The following NSD1 variants were observed in gnomAD, a reference collection of about 807,000 sequenced individuals.
NSD1 encodes the protein nuclear receptor binding SET domain protein 1.
A neutral mutation model predicts 242.7 loss-of-function variants in NSD1; 26 were observed. The ratio of observed to expected loss-of-function variants is 0.11; its 90% CI spans 0.08 to 0.15. The LOEUF is 0.15. Among genes scored for constraint, NSD1 ranks in the 10% least tolerant of loss-of-function variants. The probability of loss-of-function intolerance (pLI) is 1.00; values close to 1 mark genes in which losing one functional copy is unlikely to be tolerated. For synonymous variants in NSD1, 1,106 were observed against 1,178.1 expected, an observed-to-expected ratio of 0.94 and a Z score of 1.25; for missense variants, 2,495 against 3,272.8, an observed-to-expected ratio of 0.76 and a Z score of 5.80.
intron 5 of NSD1, among the ~76,000 whole-genome samples, chr5:177,226,324 C>T (rs951058698): frequency 3.9e-5 from 6 of 152,098 alleles, no homozygotes; most frequent in Non-Finnish European, 5.9e-5. Context: ...CGTGAGCCAC[C>T]GGGCCCGGCC....
intron 14 of NSD1, among the ~76,000 whole-genome samples, chr5:177,267,290 ACTC>A (rs1024317604): frequency 6.6e-6 from 1 of 152,020 alleles, no homozygotes; most frequent in Non-Finnish European, 1.5e-5. Context: ...ATTAGAGAAA[ACTC>A]CTTACCGCTG....
rs1028992659 is a variant in NSD1 at position 177,265,178 on chromosome 5, T to C, written c.5147-2384T>C. 10 of 770,638 alleles carry C rather than the reference T, an allele frequency of 1.3e-5. No homozygotes were observed. In the African/African-American group the frequency reaches 1.4e-4, roughly 10 times the overall value. 47.7% of individuals were successfully genotyped at this position (770,638 alleles called of 1,614,324 possible). A position where few individuals can be genotyped will look rare whatever the true frequency, so the allele number is the denominator to read the frequency against. On this transcript the variant is annotated intron_variant, in intron 14 of 22. Coordinates refer to ENST00000439151, the MANE Select transcript of NSD1 (RefSeq NM_022455.5). Reference sequence around the variant, plus strand: ...TTGCTCCACTCAGAGAAGCATACTTTGTGAGAACCAATGGGAAGGAGTCTG... The same window carrying C: ...TTGCTCCACTCAGAGAAGCATACTTCGTGAGAACCAATGGGAAGGAGTCTG...
At chr5:177,163,174 G>A (rs987512112) in intron 2 of NSD1, among the ~76,000 whole-genome samples, 1 of 139,890 alleles carries the variant, frequency 7.1e-6, no homozygotes, top group African/African-American at 2.7e-5. Flanking sequence ...ACGGAGTCTC[G>A]TTCTGTTGCC....
chr5:177,165,963 G>A (rs1325891739), intron 2 of NSD1, among the ~76,000 whole-genome samples: 1 of 146,620 alleles, frequency 6.8e-6, no homozygotes, highest in Non-Finnish European at 1.5e-5. Context: ...AGGCTGGAGT[G>A]CGGTGGCGCA....
intron 2 of NSD1, chr5:177,169,733 C>G (rs1432823595): frequency 6.6e-6 from 1 of 152,068 alleles, no homozygotes; most frequent in Non-Finnish European, 1.5e-5. Flanking sequence ...AAGTCTTTAG[C>G]AAAAATAACA....
intron 2 of NSD1, among the ~76,000 whole-genome samples, chr5:177,154,932 G>A (rs1052117422): frequency 1.3e-5 from 2 of 151,914 alleles, no homozygotes; most frequent in Admixed American, 1.3e-4. Flanking sequence ...CTGACCTCAG[G>A]TTATCCACCT....
intron 2 of NSD1, among the ~76,000 whole-genome samples, chr5:177,143,415 G>A (rs1030848107): frequency 2.0e-5 from 3 of 151,964 alleles, no homozygotes; most frequent in African/African-American, 4.8e-5. Context: ...TCCGTCTGCC[G>A]TGTTCAAGCA....
At position 177,244,296 on chromosome 5, in the gene NSD1, C is replaced by T. The variant is rs139601377; in HGVS notation, c.4378+26C>T. ...GTGAGTATTTTTGAGATTTAAAAAA[C>T]GTAATGCAGTAGTAAGTTTGAAGTG... On this transcript the variant is annotated intron_variant, in intron 9 of 22. Transcript: ENST00000439151. 2.8e-3 allele frequency: 4,280 copies of T among 1,502,434 alleles called. 9 individuals carry two copies. The highest frequency in any genetic ancestry group is 3.6e-3 in the Non-Finnish European group (3,934 of 1,079,344). The allele number at this position is 1,502,434 out of a possible 1,614,324, so 93.1% of individuals were successfully genotyped here. A position where few individuals can be genotyped will look rare whatever the true frequency, so the allele number is the denominator to read the frequency against.
At chr5:177,193,522 C>T (rs1472464758) in intron 3 of NSD1, among the ~76,000 whole-genome samples, 1 of 151,886 alleles carries the variant, frequency 6.6e-6, no homozygotes, top group Non-Finnish European at 1.5e-5. Context: ...GGTGATCCTC[C>T]TTCCTCAGCC....
chr5:177,275,904 A>G (rs1758344856), intron 17 of NSD1, among the ~76,000 whole-genome samples: 1 of 152,212 alleles, frequency 6.6e-6, no homozygotes, highest in African/African-American at 2.4e-5. Flanking sequence ...TGGTATTTAC[A>G]AGACAGAATC....
intron 3 of NSD1, among the ~76,000 whole-genome samples, chr5:177,200,545 ACT>A (rs1188766069): frequency 2.0e-5 from 3 of 151,628 alleles, no homozygotes; most frequent in Non-Finnish European, 4.4e-5. Flanking sequence ...CCAAACTGAA[ACT>A]CTGTACCCAT....
Position 177,296,691 on chromosome 5 carries a change from C to A in NSD1, c.*1232C>A, listed in dbSNP as rs1353179034. On this transcript the variant is annotated 3_prime_UTR_variant, in exon 23 of 23. Coordinates refer to ENST00000439151, the MANE Select transcript of NSD1 (RefSeq NM_022455.5). The stretch of plus-strand genomic sequence containing the variant: ...AAGAGGTGGTGTTTAGAGCAACGTC[C>A]AGGCTAAGAGATGACTCCTATTAAC... 1 of 233,364 alleles carries A rather than the reference C, an allele frequency of 4.3e-6. No homozygotes were observed. The highest frequency in any genetic ancestry group is 8.5e-6 in the Non-Finnish European group (1 of 118,134). 14.5% of individuals were successfully genotyped at this position (233,364 alleles called of 1,614,324 possible).
intron 2 of NSD1, among the ~76,000 whole-genome samples, chr5:177,151,106 G>A (rs1349179625): frequency 6.6e-6 from 1 of 152,194 alleles, no homozygotes; most frequent in Non-Finnish European, 1.5e-5. Flanking sequence ...AGCAGGGCAC[G>A]GTGGCTCACG....
intron 17 of NSD1, among the ~76,000 whole-genome samples, chr5:177,274,522 T>C (rs1288516227): frequency 6.6e-6 from 1 of 152,246 alleles, no homozygotes; most frequent in African/African-American, 2.4e-5. Context: ...TTTTATCAGA[T>C]AAGTTAGTTG....
In NSD1 at chr5:177,294,254, G is replaced by A; in HGVS notation, c.6886G>A (p.Val2296Ile). 1 of 1,613,532 alleles carries A rather than the reference G, an allele frequency of 6.2e-7. No homozygotes were observed. Among genetic ancestry groups the A allele is most frequent in the Non-Finnish European group, 8.5e-7 (1 of 1,179,524 alleles). ...TDSRPQPLDK[V>I]RDLAGSGTKS... Reference sequence around the variant, plus strand: ...CTCCAGGCCCCAGCCTTTAGATAAGGTCAGAGACCTCGCTGGGTCAGGGAC... The same window carrying A: ...CTCCAGGCCCCAGCCTTTAGATAAGATCAGAGACCTCGCTGGGTCAGGGAC... The change falls in exon 23 of 23, where the codon GTC (valine) becomes ATC (isoleucine). Residue 2296 changes from valine to isoleucine, a missense_variant. By Grantham distance (29) the Val-to-Ile change is conservative (BLOSUM62 3). This residue lies in a region of NSD1 where 475 missense variants were observed against 563.7 expected (regional missense o/e 0.84). Transcript: ENST00000439151.
In NSD1 at chr5:177,210,518, T is replaced by C. The variant is rs1279870329; in HGVS notation, c.2119T>C (p.Ser707Pro). Residue 707 changes from serine to proline, a missense_variant, in exon 5 of 23, where the codon TCA becomes CCA. By Grantham distance (74) the Ser-to-Pro change is moderately conservative (BLOSUM62 -1). Transcript: ENST00000439151. ...KAKQKPLISN[S>P]HTDHLMGCTK... is the part of the protein sequence containing the mutation. ...AAAACAGAAGCCTCTCATTAGTAACTCACATACAGACCACTTAATGGGTTG... is the reference window on the plus strand; with the variant it reads ...AAAACAGAAGCCTCTCATTAGTAACCCACATACAGACCACTTAATGGGTTG... The C allele has an allele frequency of 6.2e-7, 1 of 1,614,036 alleles. No homozygotes were observed. Among genetic ancestry groups the C allele is most frequent in the Non-Finnish European group, 8.5e-7 (1 of 1,180,034 alleles).
rs150421873 is a variant in NSD1, at chr5:177,209,716, C to T, written c.1317C>T (p.Asn439=). 125 of 1,613,898 alleles carry T rather than the reference C, an allele frequency of 7.7e-5. No individual in the cohort carries two copies. The East Asian group carries it at 2.6e-3, about 33-fold the overall frequency. The change falls in exon 5 of 23, where the codon AAC becomes AAT. Residue 439 remains asparagine, a synonymous_variant. Coordinates refer to ENST00000439151, the MANE Select transcript of NSD1 (RefSeq NM_022455.5). The part of the protein sequence containing the change: ...EQYDVPKGSK[N]RKCIPGSIKL... ...ATGATGTTCCCAAGGGGTCAAAGAACCGAAAATGTATTCCTGGTTCAATCA... is the reference window on the plus strand; with the variant it reads ...ATGATGTTCCCAAGGGGTCAAAGAATCGAAAATGTATTCCTGGTTCAATCA...
chr5:177,176,177 G>A (rs951903455), intron 2 of NSD1, among the ~76,000 whole-genome samples: 6 of 151,960 alleles, frequency 3.9e-5, no homozygotes, highest in South Asian at 2.1e-4. Flanking sequence ...CGCCCGGCCC[G>A]ATTGCAAAAA....
intron 8 of NSD1, among the ~76,000 whole-genome samples, chr5:177,241,393 T>C (rs1172627449): frequency 2.0e-5 from 3 of 151,208 alleles, no homozygotes; most frequent in Non-Finnish European, 4.4e-5. Flanking sequence ...TAATCCCAGC[T>C]ACTCAGGAGG....
Sources: gnomAD v4.1 joint callset for allele counts (sites outside exome capture counted in the v4.1 genomes callset) on GRCh38, gnomAD v4.1.1 for gene constraint, gnomAD v4.1.1 regional missense constraint, MANE v1.5 for transcripts, NCBI Gene and HGNC (gene_info 2026-07-23, HGNC 2026-07-21) for gene names.